The following CSNK2A2 variants were observed in gnomAD, a reference collection of about 807,000 sequenced individuals.
CSNK2A2 encodes the protein casein kinase II subunit alpha'.
A neutral mutation model predicts 54.0 loss-of-function variants in CSNK2A2; 8 were observed. The ratio of observed to expected loss-of-function variants is 0.15; its 90% CI spans 0.09 to 0.27. The LOEUF (loss-of-function observed/expected upper bound fraction) is 0.27. CSNK2A2 is among the 10% of genes least tolerant of loss of function. The pLI is 1.00. For missense variants in CSNK2A2, 242 were observed against 439.4 expected (o/e 0.55, Z 4.02); for synonymous variants, 141 against 153.9 (o/e 0.92, Z 0.62).
intron 5 of CSNK2A2, among the ~76,000 whole-genome samples, chr16:58,169,569 C>A (rs1027413329): frequency 4.6e-5 from 7 of 151,754 alleles, no homozygotes; most frequent in Non-Finnish European, 1.0e-4. Context: ...GACTTTGGAA[C>A]CTCACTGGAG....
intron 2 of CSNK2A2, among the ~76,000 whole-genome samples, chr16:58,190,615 G>A (rs1447688049): frequency 6.6e-6 from 1 of 152,140 alleles, no homozygotes; most frequent in East Asian, 1.9e-4. Context: ...TCTACTCCTT[G>A]AGGGTAACTG....
At chr16:58,170,680 G>T (rs934159804) in intron 5 of CSNK2A2, among the ~76,000 whole-genome samples, 4 of 152,082 alleles carry the variant, frequency 2.6e-5, no homozygotes, top group Non-Finnish European at 5.9e-5. Context: ...GCTGGTGGGT[G>T]TAAAGTGGTA....
chr16:58,177,436 A>G (rs1310057720), intron 4 of CSNK2A2, among the ~76,000 whole-genome samples: 2 of 152,196 alleles, frequency 1.3e-5, no homozygotes, highest in Non-Finnish European at 2.9e-5. Context: ...AATTAGCTCC[A>G]AAAAGTCTGA....
In CSNK2A2 at chr16:58,186,682, T is replaced by A. The variant is rs909754256; in HGVS notation, c.318+73A>T. Reference sequence around the variant, plus strand: ...ATCCCCACTGTATCATTACGTGAGGTTCTGTGTGTTAAACAACTCCCATAT... The same window carrying A: ...ATCCCCACTGTATCATTACGTGAGGATCTGTGTGTTAAACAACTCCCATAT... On this transcript the variant is annotated intron_variant, in intron 3 of 11. Coordinates refer to ENST00000262506, the MANE Select transcript of CSNK2A2 (RefSeq NM_001896.4). 3.9e-6 allele frequency: 4 copies of A among 1,020,790 alleles called. No individual in the cohort carries two copies. The East Asian group carries it at 9.7e-5, about 25-fold the overall frequency. The allele number at this position is 1,020,790 out of a possible 1,614,324, so 63.2% of individuals were successfully genotyped here.
intron 5 of CSNK2A2, among the ~76,000 whole-genome samples, chr16:58,173,297 C>G (rs1161243305): frequency 6.6e-6 from 1 of 152,194 alleles, no homozygotes; most frequent in African/African-American, 2.4e-5. Flanking sequence ...TCAGCTTTCT[C>G]TAATAAAAAG....
intron 2 of CSNK2A2, among the ~76,000 whole-genome samples, chr16:58,187,536 C>G (rs1262811490): frequency 2.0e-5 from 3 of 152,162 alleles, no homozygotes. Context: ...AGATTAAAGG[C>G]TTTAAAAATA....
chr16:58,195,512 C>G (rs779967203), intron 2 of CSNK2A2, among the ~76,000 whole-genome samples: 2 of 152,168 alleles, frequency 1.3e-5, no homozygotes, highest in Non-Finnish European at 2.9e-5. Flanking sequence ...GTCCACAGAA[C>G]CTCTGCAAAA....
intron 3 of CSNK2A2, 151 bp downstream of exon 3, chr16:58,186,604 C>T: frequency 5.3e-6 from 3 of 562,386 alleles, no homozygotes; most frequent in South Asian, 2.5e-5. Flanking sequence ...ACTGGGTCAC[C>T]ATGATTTTTT....
intron 2 of CSNK2A2, among the ~76,000 whole-genome samples, chr16:58,193,693 T>C (rs1962368351): frequency 6.6e-6 from 1 of 152,228 alleles, no homozygotes; most frequent in South Asian, 2.1e-4. Flanking sequence ...TGTACACTTT[T>C]CTAAGAGGTA....
chr16:58,175,306 C>T (rs558715389), intron 4 of CSNK2A2, among the ~76,000 whole-genome samples: 1 of 152,312 alleles, frequency 6.6e-6, no homozygotes, highest in Admixed American at 6.5e-5. Context: ...TTGTCAGGAA[C>T]TCTCATTATC....
At chr16:58,185,631 G>A (rs1464361006) in intron 3 of CSNK2A2, among the ~76,000 whole-genome samples, 1 of 152,136 alleles carries the variant, frequency 6.6e-6, no homozygotes, top group African/African-American at 2.4e-5. Context: ...ACATGAGGCA[G>A]TCCAGAACTA....
intron 11 of CSNK2A2, chr16:58,159,044 T>A (rs1405543333): frequency 6.6e-6 from 1 of 152,384 alleles, no homozygotes. Context: ...AATCATTTCA[T>A]GAAAACTTTC....
At chr16:58,175,101 T>C (rs918331983) in intron 4 of CSNK2A2, among the ~76,000 whole-genome samples, 1 of 152,138 alleles carries the variant, frequency 6.6e-6, no homozygotes, top group Non-Finnish European at 1.5e-5. Context: ...AAAAAGAACA[T>C]TTCACAGGCA....
At chr16:58,196,388 C>G (rs957010076) in intron 2 of CSNK2A2, among the ~76,000 whole-genome samples, 1 of 150,436 alleles carries the variant, frequency 6.6e-6, no homozygotes, top group Non-Finnish European at 1.5e-5. Flanking sequence ...GCAAGGAGTC[C>G]TTTTGGAGGA....
chr16:58,160,074 T>G (rs1961288095), intron 11 of CSNK2A2: 1 of 152,190 alleles, frequency 6.6e-6, no homozygotes. Flanking sequence ...CATTTATACA[T>G]CCACATAGCT....
chr16:58,187,425 G>A (rs1057275901), intron 2 of CSNK2A2, among the ~76,000 whole-genome samples: 4 of 152,106 alleles, frequency 2.6e-5, no homozygotes, highest in South Asian at 2.1e-4. Context: ...TTTTCCAACA[G>A]ATCCCATTCC....
At chr16:58,177,983 A>G (rs893271864) in intron 4 of CSNK2A2, among the ~76,000 whole-genome samples, 3 of 152,182 alleles carry the variant, frequency 2.0e-5, no homozygotes, top group African/African-American at 7.2e-5. Context: ...ATTTTCCTAC[A>G]AGGAAATGAC....
Position 58,196,584 on chromosome 16 carries a change from C to A in CSNK2A2, c.216+149G>T, listed in dbSNP as rs1042593662. ...AGTGAACTATGATCTGCACTCCAGCCTGGGTGACAGAGTGAGACTCTGACT... is the reference window on the plus strand; with the variant it reads ...AGTGAACTATGATCTGCACTCCAGCATGGGTGACAGAGTGAGACTCTGACT... On this transcript the variant is annotated intron_variant, in intron 2 of 11. Transcript: ENST00000262506. 1.6e-5 allele frequency: 10 copies of A among 638,220 alleles called. No individual in the cohort carries two copies. The Admixed American group carries it at 2.1e-4, about 13-fold the overall frequency. 39.5% of individuals were successfully genotyped at this position (638,220 alleles called of 1,614,324 possible).
chr16:58,168,581 A>G, intron 6 of CSNK2A2, 29 bp downstream of exon 6: 1 of 1,597,298 alleles, frequency 6.3e-7, no homozygotes, highest in South Asian at 1.1e-5. Context: ...CTTTTAATCA[A>G]GCTTGTTGCT....
Sources: gnomAD v4.1 joint callset for allele counts (sites outside exome capture counted in the v4.1 genomes callset) on GRCh38, gnomAD v4.1.1 for gene constraint, MANE v1.5 for transcripts, NCBI Gene and HGNC (gene_info 2026-07-23, HGNC 2026-07-21) for gene names.